The following NEBL variants were observed in gnomAD, a reference collection of about 807,000 sequenced individuals.
The protein encoded by NEBL is nebulette, also known as LIM and SH3 protein 2.
A neutral mutation model predicts 140.2 loss-of-function variants in NEBL; 122 were observed. The observed-to-expected ratio is 0.87, with a 90% CI of 0.75 to 1.01. The LOEUF (loss-of-function observed/expected upper bound fraction) is 1.01. Ranked by LOEUF, NEBL falls within the 50% of genes least tolerant of loss-of-function variation. The probability of loss-of-function intolerance (pLI) is 0.00; values close to 1 mark genes in which losing one functional copy is unlikely to be tolerated. For synonymous variants in NEBL, 436 were observed against 398.9 expected (o/e 1.09, Z -1.11); for missense variants, 1,365 against 1,231.3 (o/e 1.11, Z -1.62).
At chr10:20,955,473 G>A (rs1424462452) in intron 4 of NEBL, among the ~76,000 whole-genome samples, 1 of 152,120 alleles carries the variant, frequency 6.6e-6, no homozygotes, top group Admixed American at 6.5e-5. Flanking sequence ...CATGCAGAAT[G>A]ACTCATGCAA....
rs531042237 is a variant in NEBL, at chr10:20,841,253, A to G, written c.1228-404T>C. On this transcript the variant is annotated intron_variant, in intron 12 of 27. Coordinates refer to ENST00000377122, the MANE Select transcript of NEBL (RefSeq NM_006393.3). ...CAAAAGAATGGAAAATTACAAAATC[A>G]AAAGGAGTGATGTAGCCAAAGGTTT... The G allele has an allele frequency of 2.1e-3, 374 of 182,320 alleles. 3 individuals carry two copies. Among genetic ancestry groups the G allele is most frequent in the Non-Finnish European group, 3.7e-3 (315 of 86,086 alleles). The allele number at this position is 182,320 out of a possible 1,614,324, so 11.3% of individuals were successfully genotyped here. A position where few individuals can be genotyped will look rare whatever the true frequency, so the allele number is the denominator to read the frequency against.
At chr10:21,287,658 C>A (rs143128522) in intron 1 of NEBL, among the ~76,000 whole-genome samples, 2 of 152,108 alleles carry the variant, frequency 1.3e-5, no homozygotes, top group Non-Finnish European at 2.9e-5. Flanking sequence ...TAATCAAACC[C>A]CTATAATCCA....
At chr10:21,190,344 G>T (rs1841550982) in intron 3 of NEBL, among the ~76,000 whole-genome samples, 1 of 152,048 alleles carries the variant, frequency 6.6e-6, no homozygotes, top group Non-Finnish European at 1.5e-5. Flanking sequence ...AATTATCCAG[G>T]CATGGTGGTG....
In NEBL at chr10:20,986,565, C is replaced by A. The variant is rs1359767515; in HGVS notation, c.250-24786G>T. On this transcript the variant is annotated intron_variant, in intron 3 of 6. Coordinates refer to the NEBL transcript ENST00000417816. The stretch of plus-strand genomic sequence containing the variant: ...CTAAAGAAGATTTCAACAAATGATA[C>A]CTAAAATCCCTTTCAAAAATAAGTT... 2.0e-5 allele frequency among the ~76,000 whole-genome samples: 3 copies of A among 152,272 alleles called. No homozygotes were observed. The East Asian group carries it at 5.8e-4, about 29-fold the overall frequency.
At chr10:21,195,286 A>G (rs1360324999) in intron 3 of NEBL, among the ~76,000 whole-genome samples, 4 of 152,226 alleles carry the variant, frequency 2.6e-5, no homozygotes, top group Admixed American at 6.5e-5. Context: ...AGGAAGAAAC[A>G]GCAAATGATA....
At position 20,851,547 on chromosome 10, in the gene NEBL, G is replaced by A. The variant is rs192283559; in HGVS notation, c.1008+998C>T. On this transcript the variant is annotated intron_variant, in intron 10 of 27. Coordinates refer to ENST00000377122, the MANE Select transcript of NEBL (RefSeq NM_006393.3). ...TCCCAGCACTTTGGGAGGCCAAGGCGGGCAGATCACAAGATCAGGAGTTTG... is the reference window on the plus strand; with the variant it reads ...TCCCAGCACTTTGGGAGGCCAAGGCAGGCAGATCACAAGATCAGGAGTTTG... 1.8e-3 allele frequency among the ~76,000 whole-genome samples: 275 copies of A among 151,806 alleles called. 3 individuals are homozygous for A. Among genetic ancestry groups the A allele is most frequent in the Admixed American group, 0.017 (253 of 15,232 alleles).
intron 3 of NEBL, among the ~76,000 whole-genome samples, chr10:21,001,141 A>T (rs1243386303): frequency 4.6e-5 from 7 of 152,182 alleles, no homozygotes; most frequent in Non-Finnish European, 1.5e-5. Context: ...GGAAAATGCT[A>T]GTCTAACCCC....
At chr10:21,196,313 T>TTTTATTTATTTA (rs10629849) in intron 3 of NEBL, among the ~76,000 whole-genome samples, 10 of 140,586 alleles carry the variant, frequency 7.1e-5, no homozygotes, top group Admixed American at 7.2e-5. Flanking sequence ...ATATTTTTAT[T>TTTTATTTATTTA]TTTATTTATT....
chr10:21,169,064 AAAAATATATATATATATATATATATATAT>A (rs1360545601), intron 2 of NEBL, among the ~76,000 whole-genome samples: 2 of 52,382 alleles, frequency 3.8e-5, no homozygotes, highest in Admixed American at 2.3e-4. Flanking sequence ...AAAAAAAAAA[AAAAATATATATATATATATATATATATAT>A]ATATATATAT....
intron 2 of NEBL, among the ~76,000 whole-genome samples, chr10:21,158,250 C>G (rs933864066): frequency 1.3e-5 from 2 of 152,204 alleles, no homozygotes; most frequent in African/African-American, 4.8e-5. Context: ...CAATCTGTCT[C>G]TTCCCCTTTC....
chr10:21,073,617 C>CAAAA (rs10594967), intron 2 of NEBL, among the ~76,000 whole-genome samples: 1 of 76,430 alleles, frequency 1.3e-5, no homozygotes, highest in Non-Finnish European at 3.0e-5. Context: ...ACTCTGTCGT[C>CAAAA]AAAAAAAAAA....
chr10:21,057,205 G>C (rs561846759), intron 2 of NEBL, among the ~76,000 whole-genome samples: 2 of 152,040 alleles, frequency 1.3e-5, no homozygotes, highest in East Asian at 1.9e-4. Flanking sequence ...GAGGTTATAT[G>C]GGGTTTCAGA....
intron 2 of NEBL, among the ~76,000 whole-genome samples, chr10:21,058,591 C>A (rs192602472): frequency 1.3e-5 from 2 of 152,116 alleles, no homozygotes; most frequent in African/African-American, 4.8e-5. Context: ...AAAGAAACAA[C>A]ATTATTTAAT....
intron 3 of NEBL, among the ~76,000 whole-genome samples, chr10:20,976,751 A>G (rs913375690): frequency 6.6e-6 from 1 of 152,046 alleles, no homozygotes; most frequent in East Asian, 1.9e-4. Context: ...TGGGAACAAT[A>G]GACACTGGGG....
chr10:21,209,707 G>A (rs1841887376), intron 3 of NEBL, among the ~76,000 whole-genome samples: 1 of 148,530 alleles, frequency 6.7e-6, no homozygotes, highest in Admixed American at 6.8e-5. Flanking sequence ...ACTCCTGGAG[G>A]ACCAGGAGCC....
At chr10:21,040,307 T>G (rs1284227005) in intron 2 of NEBL, among the ~76,000 whole-genome samples, 1 of 151,388 alleles carries the variant, frequency 6.6e-6, no homozygotes, top group Admixed American at 6.6e-5. Flanking sequence ...TGGAGGTTGC[T>G]CCAGCCTGGT....
intron 24 of NEBL, among the ~76,000 whole-genome samples, chr10:20,812,229 G>C (rs1838221295): frequency 6.6e-6 from 1 of 151,874 alleles, no homozygotes; most frequent in Non-Finnish European, 1.5e-5. Context: ...CAATTATTTT[G>C]TTTTTCTTTT....
chr10:21,240,254 C>A (rs1842421909), intron 3 of NEBL, among the ~76,000 whole-genome samples: 1 of 152,176 alleles, frequency 6.6e-6, no homozygotes, highest in Admixed American at 6.5e-5. Flanking sequence ...GTGCATTTTA[C>A]ACACTGAAAA....
intron 2 of NEBL, 88 bp downstream of exon 2, chr10:20,896,870 G>T: frequency 8.9e-7 from 1 of 1,122,208 alleles, no homozygotes; most frequent in South Asian, 1.2e-5. Flanking sequence ...GGTGATTTCA[G>T]GGTTTCCCCC....
Sources: gnomAD v4.1 joint callset for allele counts (sites outside exome capture counted in the v4.1 genomes callset) on GRCh38, gnomAD v4.1.1 for gene constraint, MANE v1.5 for transcripts, NCBI Gene and HGNC (gene_info 2026-07-23, HGNC 2026-07-21) for gene names.